The following PARD3B variants were observed in gnomAD, a reference collection of about 807,000 sequenced individuals.
PARD3B encodes par-3 family cell polarity regulator beta.
Under a neutral mutation model 130.2 loss-of-function variants are expected in PARD3B, and 103 were observed. The ratio of observed to expected loss-of-function variants is 0.79; its 90% CI spans 0.67 to 0.93. PARD3B has a LOEUF of 0.93. Ranked by LOEUF, PARD3B falls within the 40% of genes least tolerant of loss-of-function variation. The pLI, the probability that PARD3B is intolerant of heterozygous loss-of-function variation, is 0.00. For missense variants in PARD3B, 1,609 were observed against 1,499.2 expected (o/e 1.07, Z -1.21); for synonymous variants, 583 against 553.2 (o/e 1.05, Z -0.76).
intron 1 of PARD3B, among the ~76,000 whole-genome samples, chr2:204,679,038 G>A (rs1447773645): frequency 6.6e-6 from 1 of 152,138 alleles, no homozygotes; most frequent in Non-Finnish European, 1.5e-5. Context: ...TGTTATGCAT[G>A]TAATCATACA....
chr2:205,008,607 A>T lies in PARD3B; in HGVS notation c.395-38974A>T, dbSNP rs562003260. 3.9e-5 allele frequency among the ~76,000 whole-genome samples: 6 copies of T among 152,308 alleles called. No individual in the cohort carries two copies. In the South Asian group the frequency reaches 1.2e-3, roughly 32 times the overall value. On this transcript the variant is annotated intron_variant, in intron 3 of 22. Transcript: ENST00000406610. The stretch of plus-strand genomic sequence containing the variant: ...TGAACAATAAATGCAATTCAGCTTT[A>T]TGTATCTCTAGACTAAATAAACTGA...
intron 2 of PARD3B, among the ~76,000 whole-genome samples, chr2:204,898,509 G>T (rs1338721860): frequency 2.0e-5 from 3 of 151,730 alleles, no homozygotes; most frequent in African/African-American, 7.3e-5. Context: ...AATTTTTTTT[G>T]AATTCTTAAA....
intron 1 of PARD3B, among the ~76,000 whole-genome samples, chr2:204,598,972 A>G (rs1392680244): frequency 1.3e-5 from 2 of 152,020 alleles, no homozygotes; most frequent in African/African-American, 4.8e-5. Flanking sequence ...CCCATTTAAA[A>G]GACATTACTA....
chr2:205,059,243 C>G (rs1206296727), intron 4 of PARD3B, among the ~76,000 whole-genome samples: 1 of 151,932 alleles, frequency 6.6e-6, no homozygotes, highest in Non-Finnish European at 1.5e-5. Flanking sequence ...CTGAACATAC[C>G]TTAGAGGGTT....
intron 15 of PARD3B, among the ~76,000 whole-genome samples, chr2:205,236,791 G>T (rs191482085): frequency 1.7e-4 from 26 of 152,228 alleles, no homozygotes; most frequent in African/African-American, 6.3e-4. Context: ...TCACGTTACT[G>T]ACATCACTGA....
At chr2:205,581,289 G>GATAT (rs1430291971) in intron 22 of PARD3B, among the ~76,000 whole-genome samples, 9 of 138,798 alleles carry the variant, frequency 6.5e-5, no homozygotes, top group East Asian at 2.1e-4. Context: ...TAGATATATA[G>GATAT]ATAGATATAG....
intron 19 of PARD3B, among the ~76,000 whole-genome samples, chr2:205,415,567 A>G (rs2046746284): frequency 6.6e-6 from 1 of 152,164 alleles, no homozygotes; most frequent in Admixed American, 6.5e-5. Flanking sequence ...TCAGTGACCA[A>G]TTCATCCCAT....
chr2:205,055,660 T>C (rs185305255), intron 4 of PARD3B, among the ~76,000 whole-genome samples: 34 of 152,272 alleles, frequency 2.2e-4, no homozygotes, highest in African/African-American at 7.7e-4. Flanking sequence ...ACTCTAGTTG[T>C]TCTTAGGGAC....
At chr2:205,576,960 T>C (rs2106560219) in intron 22 of PARD3B, among the ~76,000 whole-genome samples, 1 of 152,344 alleles carries the variant, frequency 6.6e-6, no homozygotes, top group East Asian at 1.9e-4. Context: ...AGGTCTTCTT[T>C]GATTTCTTTC....
At chr2:205,434,175 T>A (rs527947967) in intron 19 of PARD3B, among the ~76,000 whole-genome samples, 2 of 152,192 alleles carry the variant, frequency 1.3e-5, no homozygotes, top group Non-Finnish European at 2.9e-5. Context: ...TTTTTGTCAT[T>A]CTTTTACACT....
intron 2 of PARD3B, among the ~76,000 whole-genome samples, chr2:204,723,257 T>G (rs935985141): frequency 2.0e-5 from 3 of 152,166 alleles, no homozygotes; most frequent in African/African-American, 7.2e-5. Flanking sequence ...TTTTTAAAAT[T>G]AAGAATGCAT....
Position 205,253,486 on chromosome 2 carries a change from C to G in PARD3B, c.2185+7664C>G. ...ATGGATGCAAAGAGACCAAACTTGG[C>G]GGGCACTGGAAGTACCTGGGGAAGC... On this transcript the variant is annotated intron_variant, in intron 16 of 22. Transcript: ENST00000406610. This position sits in a 1 kb window ranked among gnomAD's most constrained non-coding sequence, Gnocchi z 4.4. The G allele has an allele frequency of 3.6e-6, 2 of 557,318 alleles. No homozygotes were observed. The highest frequency in any genetic ancestry group is 7.3e-6 in the Non-Finnish European group (2 of 275,278). 34.5% of individuals were successfully genotyped at this position (557,318 alleles called of 1,614,324 possible).
chr2:204,585,279 T>C (rs141097640), intron 1 of PARD3B, among the ~76,000 whole-genome samples: 1 of 152,306 alleles, frequency 6.6e-6, no homozygotes, highest in Non-Finnish European at 1.5e-5. Context: ...CTTTCTAATG[T>C]ACTGAGGTCT....
intron 2 of PARD3B, among the ~76,000 whole-genome samples, chr2:204,781,444 A>G (rs963267563): frequency 1.3e-4 from 20 of 152,280 alleles, no homozygotes; most frequent in African/African-American, 4.6e-4. Context: ...ATACTGCATA[A>G]GCTTAATTCA....
intron 2 of PARD3B, among the ~76,000 whole-genome samples, chr2:204,792,428 A>G (rs1175521822): frequency 6.6e-6 from 1 of 151,942 alleles, no homozygotes; most frequent in Non-Finnish European, 1.5e-5. Flanking sequence ...GAACTTTTGT[A>G]TTTCTTCTCA....
At chr2:205,239,928 C>T (rs372725629) in intron 15 of PARD3B, among the ~76,000 whole-genome samples, 2 of 151,960 alleles carry the variant, frequency 1.3e-5, no homozygotes, top group South Asian at 4.2e-4. Context: ...CAGCAAAAGC[C>T]TTGTTTTGTG....
chr2:205,127,852 T>C (rs186477481), intron 10 of PARD3B, among the ~76,000 whole-genome samples: 5 of 152,362 alleles, frequency 3.3e-5, no homozygotes, highest in African/African-American at 1.2e-4. Flanking sequence ...CTCCTCACAC[T>C]TTCTAGAGAA....
At chr2:205,447,537 C>T (rs2047947770) in intron 20 of PARD3B, among the ~76,000 whole-genome samples, 2 of 152,164 alleles carry the variant, frequency 1.3e-5, no homozygotes, top group Non-Finnish European at 1.5e-5. Context: ...ACCACCAAAC[C>T]CAGCTAATTT....
intron 1 of PARD3B, among the ~76,000 whole-genome samples, chr2:204,671,139 C>G (rs757822010): frequency 1.2e-4 from 19 of 152,152 alleles, no homozygotes; most frequent in Non-Finnish European, 2.6e-4. Context: ...GTCTAATCAC[C>G]TGTCAGGAGT....
Sources: allele counts gnomAD v4.1 joint callset (sites outside exome capture counted in the v4.1 genomes callset), GRCh38; gene constraint gnomAD v4.1.1; non-coding constraint Gnocchi (gnomAD v3.1); transcripts MANE v1.5; gene names NCBI Gene and HGNC (gene_info 2026-07-23, HGNC 2026-07-21).